The following DLG1 variants were observed in gnomAD, a reference collection of about 807,000 sequenced individuals.
DLG1 encodes disks large homolog 1.
In DLG1, 42 loss-of-function variants were observed where a neutral mutation model predicts 123.4. The ratio of observed to expected loss-of-function variants is 0.34; its 90% confidence interval spans 0.27 to 0.44. DLG1 has a LOEUF of 0.44. DLG1 is among the 20% of genes least tolerant of loss of function. DLG1 has a pLI of 1.00. For synonymous variants in DLG1, 317 were observed against 356.2 expected, an observed-to-expected ratio of 0.89 and a Z score of 1.24; for missense variants, 942 against 1,082.6, an observed-to-expected ratio of 0.87 and a Z score of 1.82.
At chr3:197,146,932 TCAAA>T (rs1266710942) in intron 6 of DLG1, among the ~76,000 whole-genome samples, 1 of 151,934 alleles carries the variant, frequency 6.6e-6, no homozygotes, top group Admixed American at 6.6e-5. Context: ...TACAAGGAAC[TCAAA>T]CAAACAAATC....
intron 1 of DLG1, chr3:197,297,709 G>C: frequency 1.0e-6 from 1 of 988,046 alleles, no homozygotes; most frequent in Non-Finnish European, 1.2e-6. Flanking sequence ...CTGCTCCAGC[G>C]GGGGCCGGAC....
At chr3:197,145,945 G>C (rs1790546160) in intron 6 of DLG1, among the ~76,000 whole-genome samples, 1 of 151,796 alleles carries the variant, frequency 6.6e-6, no homozygotes, top group Non-Finnish European at 1.5e-5. Context: ...AGCTGAGATT[G>C]TGCTACTGTA....
At chr3:197,072,977 G>GT (rs1745005275) in intron 18 of DLG1, among the ~76,000 whole-genome samples, 1 of 152,194 alleles carries the variant, frequency 6.6e-6, no homozygotes, top group Non-Finnish European at 1.5e-5. Context: ...GATTACAGGC[G>GT]TGAGTCACCG....
chr3:197,292,036 A>C (rs1251495786), intron 3 of DLG1, among the ~76,000 whole-genome samples: 3 of 152,192 alleles, frequency 2.0e-5, no homozygotes, highest in Non-Finnish European at 4.4e-5. Flanking sequence ...AAAATGCTGC[A>C]ATCACTATGG....
At chr3:197,079,329 A>C (rs1749382771) in intron 17 of DLG1, among the ~76,000 whole-genome samples, 1 of 152,210 alleles carries the variant, frequency 6.6e-6, no homozygotes, top group Non-Finnish European at 1.5e-5. Context: ...AAATGTTGTA[A>C]GTCTGTAGTA....
intron 4 of DLG1, among the ~76,000 whole-genome samples, chr3:197,216,147 A>G (rs1734011683): frequency 1.3e-5 from 2 of 152,184 alleles, no homozygotes; most frequent in South Asian, 2.1e-4. Flanking sequence ...TTCATATAAC[A>G]AAGAGAAAAT....
intron 5 of DLG1, among the ~76,000 whole-genome samples, chr3:197,189,083 A>C (rs1717766964): frequency 1.3e-5 from 2 of 152,262 alleles, no homozygotes; most frequent in Admixed American, 6.5e-5. Flanking sequence ...ATCAGAATAC[A>C]ATCTGTCAGA....
chr3:197,296,389 C>G lies in DLG1; in HGVS notation c.108G>C (p.Arg36=). 6.2e-7 allele frequency: 1 copy of G among 1,613,708 alleles called. No homozygotes were observed. Among genetic ancestry groups the G allele is most frequent in the Non-Finnish European group, 8.5e-7 (1 of 1,179,706 alleles). ...GGTTGCTCTGAAATATGTTAATAAC[C>G]CGTTCTATGGAACTTCTGAGCTGTC... ...EDRQLRSSIE[R]VINIFQSNLF... is the part of the protein sequence containing the mutation. Residue 36 remains arginine, a synonymous_variant, in exon 3 of 25, where the codon CGG becomes CGC. Coordinates refer to ENST00000667157, the MANE Select transcript of DLG1 (RefSeq NM_001366207.1).
Position 197,065,465 on chromosome 3 carries a change from C to G in DLG1, c.2201-17G>C, listed in dbSNP as rs745725779. ...TAGTTGTATCTTTAACAGAAAAAAACTTGGGAAAGTGTTTAATATTAAAAA... is the reference window on the plus strand; with the variant it reads ...TAGTTGTATCTTTAACAGAAAAAAAGTTGGGAAAGTGTTTAATATTAAAAA... On this transcript the variant is annotated splice_polypyrimidine_tract_variant and intron_variant, in intron 21 of 24. Transcript: ENST00000667157. 1.3e-6 allele frequency: 2 copies of G among 1,558,584 alleles called. No homozygotes were observed. Among genetic ancestry groups the G allele is most frequent in the Non-Finnish European group, 1.7e-6 (2 of 1,158,274 alleles).
intron 4 of DLG1, among the ~76,000 whole-genome samples, chr3:197,206,930 G>A (rs1200398825): frequency 6.6e-6 from 1 of 152,180 alleles, no homozygotes; most frequent in African/African-American, 2.4e-5. Context: ...GATATCGATT[G>A]CTTTCATTTA....
In DLG1 at chr3:197,271,776, T is replaced by G. The variant is rs887580387; in HGVS notation, c.318+10903A>C. On this transcript the variant is annotated intron_variant, in intron 4 of 24. Transcript: ENST00000667157. ...GAAGAATATCTAACTATTCTTACTC[T>G]TACGAGATGCGTGCTGAAGTTTTAA... 5.3e-5 allele frequency among the ~76,000 whole-genome samples: 8 copies of G among 152,338 alleles called. 1 individual carries two copies. Among genetic ancestry groups the G allele is most frequent in the African/African-American group, 1.9e-4 (8 of 41,574 alleles).
At chr3:197,204,610 A>T (rs926399052) in intron 4 of DLG1, among the ~76,000 whole-genome samples, 1 of 152,236 alleles carries the variant, frequency 6.6e-6, no homozygotes, top group Non-Finnish European at 1.5e-5. Context: ...TGTGAGTTCC[A>T]TATCTACAGA....
At chr3:197,271,937 C>T (rs1764080701) in intron 4 of DLG1, among the ~76,000 whole-genome samples, 1 of 152,144 alleles carries the variant, frequency 6.6e-6, no homozygotes, top group Admixed American at 6.5e-5. Context: ...GGATACGAGC[C>T]ACCTAAGAAT....
At chr3:197,242,681 C>T (rs1749568649) in intron 4 of DLG1, among the ~76,000 whole-genome samples, 1 of 151,886 alleles carries the variant, frequency 6.6e-6, no homozygotes, top group Non-Finnish European at 1.5e-5. Flanking sequence ...TGCTCCTGAA[C>T]AATGAAGAAA....
intron 15 of DLG1, among the ~76,000 whole-genome samples, chr3:197,088,242 G>C (rs529730297): frequency 6.6e-6 from 1 of 151,706 alleles, no homozygotes; most frequent in African/African-American, 2.4e-5. Flanking sequence ...AAACACTAAA[G>C]AAAAAACCTC....
chr3:197,241,210 C>T (rs1224397976), intron 4 of DLG1, among the ~76,000 whole-genome samples: 4 of 152,000 alleles, frequency 2.6e-5, no homozygotes, highest in Admixed American at 6.6e-5. Context: ...GACTTCTCAA[C>T]GGAAACCATA....
chr3:197,139,705 C>T (rs1177516996), intron 8 of DLG1, among the ~76,000 whole-genome samples: 2 of 152,038 alleles, frequency 1.3e-5, no homozygotes, highest in Admixed American at 6.5e-5. Context: ...CTCTATCCTC[C>T]GTATCTTAAA....
intron 4 of DLG1, among the ~76,000 whole-genome samples, chr3:197,211,644 T>G (rs1260130662): frequency 2.7e-5 from 4 of 146,712 alleles, no homozygotes; most frequent in Admixed American, 6.8e-5. Flanking sequence ...GGAATACTTA[T>G]ACACTGTTGT....
chr3:197,101,101 T>C (rs962146552), intron 14 of DLG1, among the ~76,000 whole-genome samples: 1 of 151,566 alleles, frequency 6.6e-6, no homozygotes, highest in East Asian at 1.9e-4. Flanking sequence ...TGTTAATCTG[T>C]TTTTTTTGTC....
Sources: gnomAD v4.1 joint callset for allele counts (sites outside exome capture counted in the v4.1 genomes callset) on GRCh38, gnomAD v4.1.1 for gene constraint, MANE v1.5 for transcripts, NCBI Gene and HGNC (gene_info 2026-07-23, HGNC 2026-07-21) for gene names.